The following FYB2 variants were observed in gnomAD, a reference collection of about 807,000 sequenced individuals.
FYB2 encodes FYN-binding protein 2.
Under a neutral mutation model 94.1 loss-of-function variants are expected in FYB2, and 103 were observed. The ratio of observed to expected loss-of-function variants is 1.09; its 90% CI spans 0.93 to 1.29. The LOEUF (loss-of-function observed/expected upper bound fraction) is 1.29. FYB2 is among the 50% of genes most tolerant of loss of function. The probability of loss-of-function intolerance (pLI) is 0.00; values close to 1 mark genes in which losing one functional copy is unlikely to be tolerated. For missense variants in FYB2, 896 were observed against 841.5 expected, an observed-to-expected ratio of 1.06 and a Z score of -0.80; for synonymous variants, 293 against 287.9, an observed-to-expected ratio of 1.02 and a Z score of -0.18.
intron 5 of FYB2, 146 bp from the exon 6 acceptor site, chr1:56,758,896 G>A (rs367805680): frequency 3.8e-6 from 2 of 528,342 alleles, no homozygotes; most frequent in East Asian, 3.4e-5. Context: ...TATCTAGAAA[G>A]TTTGGGAAAT....
chr1:56,741,588 G>C, intron 12 of FYB2, among the ~76,000 whole-genome samples: 1 of 151,894 alleles, frequency 6.6e-6, no homozygotes, highest in East Asian at 1.9e-4. Flanking sequence ...TTTTCCCCTT[G>C]AACCCTTAAA....
intron 5 of FYB2, 54 bp downstream of exon 5, chr1:56,767,775 G>T: frequency 1.5e-6 from 2 of 1,304,840 alleles, no homozygotes; most frequent in Non-Finnish European, 2.2e-6. Flanking sequence ...TATCATTTTT[G>T]ACACATTTTC....
chr1:56,810,332 G>C (rs571521191), intron 1 of FYB2, among the ~76,000 whole-genome samples: 8 of 152,116 alleles, frequency 5.3e-5, no homozygotes, highest in Non-Finnish European at 7.4e-5. Context: ...TTTCACTCCA[G>C]TCTGTACCCC....
chr1:56,772,949 C>T (rs1645795183), intron 4 of FYB2, among the ~76,000 whole-genome samples: 1 of 152,112 alleles, frequency 6.6e-6, no homozygotes, highest in Non-Finnish European at 1.5e-5. Context: ...AGGTTTCTAA[C>T]TTTTCTTACT....
In FYB2 at chr1:56,730,555, T is replaced by C. The variant is rs76405496; in HGVS notation, c.1794-3972A>G. 6.7e-3 allele frequency among the ~76,000 whole-genome samples: 1,024 copies of C among 151,950 alleles called. 54 individuals carry two copies. The East Asian group carries it at 0.11, about 17-fold the overall frequency. ...AACCTGGAGGAAATAGCTAAATTCA[T>C]GGAAATATACAACCTACTGAGATTG... On this transcript the variant is annotated intron_variant, in intron 15 of 19. Coordinates refer to ENST00000343433, the MANE Select transcript of FYB2 (RefSeq NM_001004303.5).
chr1:56,719,453 C>T lies in FYB2; in HGVS notation c.*218G>A, dbSNP rs1271897491. On this transcript the variant is annotated 3_prime_UTR_variant, in exon 20 of 20. Coordinates refer to ENST00000343433, the MANE Select transcript of FYB2 (RefSeq NM_001004303.5). ...TCTTGAACTGACAGTGAAGTAGATA[C>T]TGAAATAGACATTGAAAGATAACCT... is the stretch of plus-strand genomic sequence containing the variant. The T allele has an allele frequency of 2.0e-6, 1 of 492,592 alleles. No individual in the cohort carries two copies. The highest frequency in any genetic ancestry group is 2.0e-5 in the African/African-American group (1 of 50,724). The allele number at this position is 492,592 out of a possible 1,614,324, so 30.5% of individuals were successfully genotyped here.
At chr1:56,811,292 G>A (rs998165788) in intron 1 of FYB2, among the ~76,000 whole-genome samples, 2 of 152,278 alleles carry the variant, frequency 1.3e-5, no homozygotes, top group East Asian at 1.9e-4. Context: ...AAGAAATTTA[G>A]CTTCAAAATG....
chr1:56,805,571 T>C (rs1383458053), intron 1 of FYB2, among the ~76,000 whole-genome samples: 1 of 152,116 alleles, frequency 6.6e-6, no homozygotes, highest in Non-Finnish European at 1.5e-5. Context: ...AGCAAATGGG[T>C]GCTAAGCCAA....
intron 15 of FYB2, among the ~76,000 whole-genome samples, chr1:56,727,394 T>A (rs1319489119): frequency 6.6e-6 from 1 of 152,078 alleles, no homozygotes; most frequent in Non-Finnish European, 1.5e-5. Context: ...TGTAAGAATA[T>A]CTGTGGCAGT....
rs558650643 is a variant in FYB2 at position 56,719,908 on chromosome 1, A to G, written c.2165+114T>C. 5.9e-6 allele frequency: 7 copies of G among 1,195,468 alleles called. No individual in the cohort carries two copies. The African/African-American group carries it at 1.1e-4, about 19-fold the overall frequency. The allele number at this position is 1,195,468 out of a possible 1,614,324, so 74.1% of individuals were successfully genotyped here. A position where few individuals can be genotyped will look rare whatever the true frequency, so the allele number is the denominator to read the frequency against. ...TTATAGAATAGGGCACTGCATGTCTAATTTTTAAAACTTATCCTGAATTTC... is the reference window on the plus strand; with the variant it reads ...TTATAGAATAGGGCACTGCATGTCTGATTTTTAAAACTTATCCTGAATTTC... On this transcript the variant is annotated intron_variant, in intron 19 of 19. Coordinates refer to ENST00000343433, the MANE Select transcript of FYB2 (RefSeq NM_001004303.5).
rs746964010 is a variant in FYB2 at position 56,726,494 on chromosome 1, C to T, written c.1880+3G>A. On this transcript the variant is annotated splice_donor_region_variant and intron_variant, in intron 16 of 19. Transcript: ENST00000343433. ...TATAATAGAAGTGCCTCTGTGTTCC[C>T]ACCTTTCTGATTCTTCAGCACCGTT... The T allele has an allele frequency of 3.7e-6, 6 of 1,610,714 alleles. No individual in the cohort carries two copies. The East Asian group carries it at 1.1e-4, about 30-fold the overall frequency.
intron 5 of FYB2, among the ~76,000 whole-genome samples, chr1:56,762,844 C>T (rs975765530): frequency 1.3e-5 from 2 of 152,176 alleles, no homozygotes; most frequent in Admixed American, 6.5e-5. Context: ...TTCAGTGTTT[C>T]ACCATTAAGT....
chr1:56,811,607 CCA>C (rs1646768342), intron 1 of FYB2, among the ~76,000 whole-genome samples: 1 of 152,192 alleles, frequency 6.6e-6, no homozygotes, highest in Non-Finnish European at 1.5e-5. Flanking sequence ...ACAGCAAGTA[CCA>C]CAGACTATGT....
At chr1:56,798,515 A>AG (rs1182065901) in intron 1 of FYB2, among the ~76,000 whole-genome samples, 2 of 152,212 alleles carry the variant, frequency 1.3e-5, no homozygotes, top group Admixed American at 6.5e-5. Context: ...TAAAATAGTT[A>AG]GAAGTCTGAA....
At chr1:56,815,117 C>CT (rs1247014988) in intron 1 of FYB2, among the ~76,000 whole-genome samples, 4 of 152,112 alleles carry the variant, frequency 2.6e-5, no homozygotes, top group Admixed American at 1.3e-4. Flanking sequence ...TCTGGATACT[C>CT]TTTTTTTAAA....
At chr1:56,744,121 C>T (rs998721287) in intron 10 of FYB2, 31 bp downstream of exon 10, 4 of 1,611,748 alleles carry the variant, frequency 2.5e-6, no homozygotes, top group Non-Finnish European at 3.4e-6. Flanking sequence ...TCATCACATT[C>T]ATCTTGCTGA....
Position 56,756,842 on chromosome 1 carries a change from A to G in FYB2, c.1099-915T>C, listed in dbSNP as rs1645344325. ...AGAGGGACTTGGTACATGTTTGACC[A>G]CATGAAAAACTCATTGCTAGACACA... On this transcript the variant is annotated intron_variant, in intron 6 of 19. Transcript: ENST00000343433. Among the ~76,000 whole-genome samples the G allele has an allele frequency of 2.0e-5, 3 of 152,164 alleles. No individual in the cohort carries two copies. The South Asian group carries it at 6.2e-4, about 31-fold the overall frequency.
chr1:56,792,127 G>A lies in FYB2; in HGVS notation c.686C>T (p.Pro229Leu), dbSNP rs755453599. The A allele has an allele frequency of 5.0e-6, 8 of 1,613,716 alleles. No individual in the cohort carries two copies. The South Asian group carries it at 6.6e-5, about 13-fold the overall frequency. Residue 229 changes from proline (P) to leucine (L), a missense_variant, in exon 2 of 20, where the codon CCT (proline) becomes CTT (leucine). By Grantham distance (98) the Pro-to-Leu change is moderately conservative. Transcript: ENST00000343433. The part of the protein sequence containing the change: ...QHIRKSWENP[P>L]PERSPASSPC... ...GCTGCTTGCCGGGCTCCTCTCAGGAGGTGGGTTTTCCCAGCTTTTTCTGAT... is the reference window on the plus strand; with the variant it reads ...GCTGCTTGCCGGGCTCCTCTCAGGAAGTGGGTTTTCCCAGCTTTTTCTGAT...
At chr1:56,816,992 G>C (rs1646898507) in intron 1 of FYB2, among the ~76,000 whole-genome samples, 1 of 151,854 alleles carries the variant, frequency 6.6e-6, no homozygotes, top group Non-Finnish European at 1.5e-5. Flanking sequence ...CTCTTGCTTG[G>C]ATTACTGCAA....
Sources: gnomAD v4.1 joint callset for allele counts (sites outside exome capture counted in the v4.1 genomes callset) on GRCh38, gnomAD v4.1.1 for gene constraint, MANE v1.5 for transcripts, NCBI Gene and HGNC (gene_info 2026-07-23, HGNC 2026-07-21) for gene names.